SH3BP4: variants seen among roughly 807,000 people sequenced by gnomAD.
SH3BP4 encodes SH3 domain binding protein 4.
A neutral mutation model predicts 65.5 loss-of-function variants in SH3BP4; 33 were observed. The ratio of observed to expected loss-of-function variants is 0.50; its 90% CI spans 0.38 to 0.67. The LOEUF is 0.67. SH3BP4 is among the 30% of genes least tolerant of loss of function. The pLI is 0.00. For synonymous variants in SH3BP4, 552 were observed against 545.5 expected, an observed-to-expected ratio of 1.01 and a Z score of -0.17; for missense variants, 1,134 against 1,261.4, an observed-to-expected ratio of 0.90 and a Z score of 1.53.
In SH3BP4 at chr2:235,030,917, A is replaced by G. The variant is rs1350844416; in HGVS notation, c.-132-3954A>G. Among the ~76,000 whole-genome samples, 1 of 152,084 alleles carries G rather than the reference A, an allele frequency of 6.6e-6. No homozygotes were observed. The highest frequency in any genetic ancestry group is 1.5e-5 in the Non-Finnish European group (1 of 68,000). ...TTTCTGTACTGTAAAAACGGCCCCA[A>G]GGGTGCGGACAGGGGGCACCTCTGT... On this transcript the variant is annotated intron_variant, in intron 2 of 5. Transcript: ENST00000392011. This position sits in a 1 kb window ranked among gnomAD's most constrained non-coding sequence, Gnocchi z 4.1.
intron 1 of SH3BP4, among the ~76,000 whole-genome samples, chr2:234,982,115 G>T (rs1693406259): frequency 6.6e-6 from 1 of 152,196 alleles, no homozygotes; most frequent in South Asian, 2.1e-4. Flanking sequence ...ATTATTAGTT[G>T]TGCACCTGAA....
chr2:235,044,778 G>A (rs1164564159), intron 4 of SH3BP4, among the ~76,000 whole-genome samples: 1 of 152,254 alleles, frequency 6.6e-6, no homozygotes, highest in Non-Finnish European at 1.5e-5. Context: ...TGTTGAGCCA[G>A]GAGACAGAAG....
rs559063501 is a variant in SH3BP4, at chr2:235,025,104, C to T, written c.-132-9767C>T. Among the ~76,000 whole-genome samples the T allele has an allele frequency of 5.3e-5, 8 of 152,268 alleles. No homozygotes were observed. The South Asian group carries it at 1.0e-3, about 20-fold the overall frequency. ...TTTGCTGTCAGCCATCTGACACGGG[C>T]GGGCCAGCCTTCCCATGTGATTCAA... is the stretch of plus-strand genomic sequence containing the variant. On this transcript the variant is annotated intron_variant, in intron 2 of 5. Coordinates refer to ENST00000392011, the MANE Select transcript of SH3BP4 (RefSeq NM_014521.3).
chr2:235,053,602 A>G lies in SH3BP4; in HGVS notation c.2678A>G (p.Lys893Arg). The part of the protein sequence containing the change: ...NGVVDSEAMW[K>R]PAYDFLLTWS... ...AACTCCACCTCCCAGGCCATGTGGAAGCCTGCGTATGACTTCTTACTCACC... is the reference window on the plus strand; with the variant it reads ...AACTCCACCTCCCAGGCCATGTGGAGGCCTGCGTATGACTTCTTACTCACC... Residue 893 changes from lysine to arginine, a missense_variant, in exon 6 of 6, where the codon AAG becomes AGG. By Grantham distance (26) the Lys-to-Arg change is conservative. Transcript: ENST00000392011. The G allele has an allele frequency of 6.2e-7, 1 of 1,613,916 alleles. No individual in the cohort carries two copies. The highest frequency in any genetic ancestry group is 8.5e-7 in the Non-Finnish European group (1 of 1,179,856).
intron 4 of SH3BP4, among the ~76,000 whole-genome samples, chr2:235,051,991 A>G (rs1466720097): frequency 6.6e-6 from 1 of 152,138 alleles, no homozygotes; most frequent in East Asian, 1.9e-4. Context: ...ACATCAAACA[A>G]CAGACACCTG....
At chr2:235,031,566 C>T (rs924083604) in intron 2 of SH3BP4, among the ~76,000 whole-genome samples, 1 of 152,224 alleles carries the variant, frequency 6.6e-6, no homozygotes, top group Non-Finnish European at 1.5e-5. Flanking sequence ...TTCACCACCG[C>T]GTTCCGCCAG....
intron 2 of SH3BP4, among the ~76,000 whole-genome samples, chr2:235,009,608 C>G (rs1438308620): frequency 6.6e-6 from 1 of 152,012 alleles, no homozygotes; most frequent in African/African-American, 2.4e-5. Context: ...GCCGGCCTGC[C>G]TTTGGTGGTA....
Position 235,042,787 on chromosome 2 carries a change from A to C in SH3BP4, c.2018A>C (p.Tyr673Ser). 1 of 1,614,042 alleles carries C rather than the reference A, an allele frequency of 6.2e-7. No homozygotes were observed. The highest frequency in any genetic ancestry group is 8.5e-7 in the Non-Finnish European group (1 of 1,180,020). The change falls in exon 4 of 6, where the codon TAC (tyrosine) becomes TCC (serine). Residue 673 changes from tyrosine (Y) to serine (S), a missense_variant. Tyr to Ser is a moderately radical substitution (Grantham distance 144). Coordinates refer to ENST00000392011, the MANE Select transcript of SH3BP4 (RefSeq NM_014521.3). This position sits in a 1 kb window ranked among gnomAD's most constrained non-coding sequence, Gnocchi z 7.3. ...KTVVRQNKNH[Y>S]LLEYKKGDGI... ...GTGGTGCGGCAGAACAAGAACCACT[A>C]CCTGCTGGAGTACAAGAAGGGCGAC...
chr2:234,990,649 C>A (rs1489107283), intron 1 of SH3BP4, among the ~76,000 whole-genome samples: 2 of 152,212 alleles, frequency 1.3e-5, no homozygotes, highest in Non-Finnish European at 2.9e-5. Flanking sequence ...GTTCACGGAG[C>A]ATTTTCAGAT....
intron 4 of SH3BP4, among the ~76,000 whole-genome samples, chr2:235,043,983 G>C (rs545486292): frequency 5.6e-4 from 86 of 152,350 alleles, no homozygotes; most frequent in Non-Finnish European, 1.0e-3. Flanking sequence ...AGATGCGGGT[G>C]GGGGCAGAAG....
rs1055380458 is a variant in SH3BP4, at chr2:234,974,300, G to A, written c.-206-21003G>A. 1.7e-4 allele frequency among the ~76,000 whole-genome samples: 26 copies of A among 152,084 alleles called. No individual in the cohort carries two copies. The highest frequency in any genetic ancestry group is 6.3e-4 in the African/African-American group (26 of 41,406). On this transcript the variant is annotated intron_variant, in intron 1 of 5. Coordinates refer to ENST00000392011, the MANE Select transcript of SH3BP4 (RefSeq NM_014521.3). The surrounding 1 kb of genome is among the most constrained non-coding windows in gnomAD (Gnocchi z 4.6). ...GAATCACTTGAACCCGGGAGGCTGG[G>A]GTTGCAGTGAGCCAAGATCGCACTA...
At chr2:235,028,195 C>T (rs2106317606) in intron 2 of SH3BP4, among the ~76,000 whole-genome samples, 1 of 152,320 alleles carries the variant, frequency 6.6e-6, no homozygotes, top group South Asian at 2.1e-4. Flanking sequence ...AGACCTGACC[C>T]CGGCTGGGAG....
chr2:234,955,483 C>T (rs969989255), intron 1 of SH3BP4, among the ~76,000 whole-genome samples: 2 of 152,066 alleles, frequency 1.3e-5, no homozygotes, highest in East Asian at 1.9e-4. Flanking sequence ...AGGGCGTCCA[C>T]GTGTTACATA....
chr2:234,959,600 A>G (rs568576102), intron 1 of SH3BP4, among the ~76,000 whole-genome samples: 11 of 150,290 alleles, frequency 7.3e-5, no homozygotes, highest in African/African-American at 2.7e-4. Flanking sequence ...AGGTAGGTTT[A>G]CCTTGCCTTT....
intron 1 of SH3BP4, among the ~76,000 whole-genome samples, chr2:234,989,116 G>A (rs1305207224): frequency 6.6e-6 from 1 of 152,108 alleles, no homozygotes; most frequent in East Asian, 1.9e-4. Flanking sequence ...TGGTTGTCTC[G>A]GAGTGGAATG....
Position 235,043,142 on chromosome 2 carries a change from G to C in SH3BP4, c.2373G>C (p.Leu791=), listed in dbSNP as rs200861708. The C allele has an allele frequency of 3.1e-6, 5 of 1,613,356 alleles. No individual in the cohort carries two copies. Among genetic ancestry groups the C allele is most frequent in the Admixed American group, 3.3e-5 (2 of 60,004 alleles). The change falls in exon 4 of 6, where the codon CTG becomes CTC. Residue 791 remains leucine (L), a synonymous_variant. Coordinates refer to ENST00000392011, the MANE Select transcript of SH3BP4 (RefSeq NM_014521.3). The part of the protein sequence containing the change: ...LPLTFFCRAE[L]DSEPERVASV... ...TCACCTTTTTCTGCCGGGCAGAGCT[G>C]GATAGTGAGCCCGAGCGGGTGGCGT...
rs1695832494 is a variant in SH3BP4, at chr2:235,045,623, C to T, written c.2478+2376C>T. On this transcript the variant is annotated intron_variant, in intron 4 of 5. Transcript: ENST00000392011. This position sits in a 1 kb window ranked among gnomAD's most constrained non-coding sequence, Gnocchi z 4.3. ...TTTTGCAGTGTCCCCACCCGCCCCC[C>T]ACACCTGTGTCAGTCATCATCTTGG... is the stretch of plus-strand genomic sequence containing the variant. Among the ~76,000 whole-genome samples the T allele has an allele frequency of 6.6e-6, 1 of 152,046 alleles. No homozygotes were observed. Among genetic ancestry groups the T allele is most frequent in the African/African-American group, 2.4e-5 (1 of 41,404 alleles).
intron 2 of SH3BP4, among the ~76,000 whole-genome samples, chr2:235,017,614 C>T (rs372336865): frequency 6.6e-6 from 1 of 152,094 alleles, no homozygotes; most frequent in Non-Finnish European, 1.5e-5. Context: ...AGTGACTGGG[C>T]ATAAGTTGCT....
chr2:235,022,341 G>A (rs1363289928), intron 2 of SH3BP4, among the ~76,000 whole-genome samples: 2 of 152,066 alleles, frequency 1.3e-5, no homozygotes, highest in Admixed American at 6.6e-5. Flanking sequence ...ATCACTTGAG[G>A]TCAGGGGTTT....
Sources: allele counts gnomAD v4.1 joint callset (sites outside exome capture counted in the v4.1 genomes callset), GRCh38; gene constraint gnomAD v4.1.1; non-coding constraint Gnocchi (gnomAD v3.1); transcripts MANE v1.5; gene names NCBI Gene and HGNC (gene_info 2026-07-23, HGNC 2026-07-21).